Variants in SNX19 observed in about 807,000 individuals in gnomAD.
The protein encoded by SNX19 is sorting nexin 19, also known as sorting nexin-19.
In SNX19, 60 loss-of-function variants were observed where a neutral mutation model predicts 85.2. The ratio of observed to expected loss-of-function variants is 0.70; its 90% CI spans 0.57 to 0.87. SNX19 has a LOEUF of 0.87. SNX19 is among the 40% of genes least tolerant of loss of function. The pLI, the probability that SNX19 is intolerant of heterozygous loss-of-function variation, is 0.00. For synonymous variants in SNX19, 520 were observed against 470.0 expected (o/e 1.11, Z -1.38); for missense variants, 1,201 against 1,217.8 (o/e 0.99, Z 0.21).
At chr11:130,909,723 C>T (rs978760136) in intron 4 of SNX19, among the ~76,000 whole-genome samples, 2 of 152,208 alleles carry the variant, frequency 1.3e-5, no homozygotes, top group Non-Finnish European at 2.9e-5. Flanking sequence ...ACAGATCAAT[C>T]TTCACATGCC....
At chr11:130,889,034 T>A (rs541564565) in intron 8 of SNX19, among the ~76,000 whole-genome samples, 181 of 152,290 alleles carry the variant, frequency 1.2e-3, no homozygotes, top group African/African-American at 4.1e-3. Context: ...CAGTTGATAC[T>A]ACAGCATCTG....
chr11:130,905,646 A>G (rs1945606869), intron 7 of SNX19: 2 of 1,472,854 alleles, frequency 1.4e-6, no homozygotes, highest in Non-Finnish European at 1.8e-6. Context: ...AAGAAATGCA[A>G]GAGTCTGATA....
In SNX19 at chr11:130,876,144, C is replaced by CA. The variant is rs757323943; in HGVS notation, c.*2277dup. 9 of 152,122 alleles carry CA rather than the reference C, an allele frequency of 5.9e-5. No homozygotes were observed. The highest frequency in any genetic ancestry group is 1.3e-4 in the Admixed American group (2 of 15,270). 9.4% of individuals were successfully genotyped at this position (152,122 alleles called of 1,614,324 possible). On this transcript the variant is annotated 3_prime_UTR_variant, in exon 11 of 11. Coordinates refer to ENST00000265909, the MANE Select transcript of SNX19 (RefSeq NM_014758.3). The stretch of plus-strand genomic sequence containing the variant: ...AATAAAATTTAGTCACGAGTAAATA[C>CA]AAAAAACAAGCAAACAATAAAACCT...
rs1943111259 is a variant in SNX19, at chr11:130,873,658, C to T, written c.*4764G>A. ...AAACTCCAATTACTTTTGCACCAAC[C>T]CACTACATCAGAACCTACCTTTAAG... On this transcript the variant is annotated 3_prime_UTR_variant, in exon 11 of 11. Coordinates refer to ENST00000265909, the MANE Select transcript of SNX19 (RefSeq NM_014758.3). Among the ~76,000 whole-genome samples, 1 of 152,034 alleles carries T rather than the reference C, an allele frequency of 6.6e-6. No homozygotes were observed. The highest frequency in any genetic ancestry group is 2.4e-5 in the African/African-American group (1 of 41,402).
chr11:130,896,282 T>C (rs1199753641), intron 8 of SNX19, among the ~76,000 whole-genome samples: 2 of 152,224 alleles, frequency 1.3e-5, no homozygotes, highest in Non-Finnish European at 2.9e-5. Flanking sequence ...CTGTAATCTA[T>C]GCTTCCTGAG....
Position 130,906,792 on chromosome 11 carries a change from G to A in SNX19, c.2166-71C>T, listed in dbSNP as rs577306902. On this transcript the variant is annotated intron_variant, in intron 5 of 10. Coordinates refer to ENST00000265909, the MANE Select transcript of SNX19 (RefSeq NM_014758.3). ...TGAGCCTCACACTAAGGGCTGGCAA[G>A]TACTGATAATAAAACACAACAAGAA... The A allele has an allele frequency of 1.6e-5, 17 of 1,090,750 alleles. No homozygotes were observed. The African/African-American group carries it at 2.3e-4, about 15-fold the overall frequency. The allele number at this position is 1,090,750 out of a possible 1,614,324, so 67.6% of individuals were successfully genotyped here. A position where few individuals can be genotyped will look rare whatever the true frequency, so the allele number is the denominator to read the frequency against.
chr11:130,906,290 G>A (rs369715917), intron 6 of SNX19, among the ~76,000 whole-genome samples, 157 bp from the exon 7 acceptor site: 1 of 152,076 alleles, frequency 6.6e-6, no homozygotes, highest in Admixed American at 6.5e-5. Context: ...ATTTTTTACC[G>A]AAGTTGCAAG....
rs1161240476 is a variant in SNX19, at chr11:130,870,420, C to A, written c.*8002G>T. ...GGGTGCACACCTGAACAGGGGGTAG[C>A]CTCTGATGAAACATTTGAGTAATGG... On this transcript the variant is annotated 3_prime_UTR_variant, in exon 11 of 11. Transcript: ENST00000265909. Among the ~76,000 whole-genome samples the A allele has an allele frequency of 6.6e-6, 1 of 152,230 alleles. No individual in the cohort carries two copies. Among genetic ancestry groups the A allele is most frequent in the Non-Finnish European group, 1.5e-5 (1 of 68,046 alleles).
chr11:130,910,689 T>C (rs1218691641), intron 2 of SNX19, among the ~76,000 whole-genome samples: 1 of 152,168 alleles, frequency 6.6e-6, no homozygotes, highest in Non-Finnish European at 1.5e-5. Flanking sequence ...GGCACCTATC[T>C]CACAGGCTGA....
At position 130,910,354 on chromosome 11, in the gene SNX19, T is replaced by C. The variant is rs149459173; in HGVS notation, c.1830A>G (p.Lys610=). The change falls in exon 3 of 11, where the codon AAA becomes AAG. Residue 610 remains lysine, a synonymous_variant. Coordinates refer to ENST00000265909, the MANE Select transcript of SNX19 (RefSeq NM_014758.3). ...RKFIKNVKGP[K]KLFPDLPLGN... ...CCAATGGAAGATCTGGAAAGAGCTT[T>C]TTAGGACCCTTCACATCTTCCAAAA... 4.0e-5 allele frequency: 65 copies of C among 1,605,624 alleles called. No homozygotes were observed. Among genetic ancestry groups the C allele is most frequent in the Middle Eastern group, 2.1e-4 (1 of 4,816 alleles).
In SNX19 at chr11:130,903,252, T is replaced by A; in HGVS notation, c.2573+3A>T. Reference sequence around the variant, plus strand: ...GATGTGAGGGAGAATTCAGCAGTCTTACCTTTGAACTAGGGTCCCAAAGAT... The same window carrying A: ...GATGTGAGGGAGAATTCAGCAGTCTAACCTTTGAACTAGGGTCCCAAAGAT... On this transcript the variant is annotated splice_donor_region_variant and intron_variant, in intron 8 of 10. Coordinates refer to ENST00000265909, the MANE Select transcript of SNX19 (RefSeq NM_014758.3). 1 of 1,613,646 alleles carries A rather than the reference T, an allele frequency of 6.2e-7. No individual in the cohort carries two copies.
rs570298039 is a variant in SNX19 at position 130,870,828 on chromosome 11, G to C, written c.*7594C>G. Among the ~76,000 whole-genome samples the C allele has an allele frequency of 8.2e-4, 122 of 149,194 alleles. No individual in the cohort carries two copies. Among genetic ancestry groups the C allele is most frequent in the Non-Finnish European group, 1.4e-3 (98 of 67,868 alleles). On this transcript the variant is annotated 3_prime_UTR_variant, in exon 11 of 11. Coordinates refer to ENST00000265909, the MANE Select transcript of SNX19 (RefSeq NM_014758.3). ...GCACTAGGTATATACATATAGTTGG[G>C]GGGGGGGCATAAGGACATAATAGGA...
At chr11:130,911,812 T>TAGAAGGCATAA (rs774356473) in intron 1 of SNX19, 41 bp from the exon 2 acceptor site, 23 of 1,600,186 alleles carry the variant, frequency 1.4e-5, no homozygotes, top group Non-Finnish European at 1.2e-5. Flanking sequence ...CAGCCGGGTT[T>TAGAAGGCATAA]CAGCAATCTT....
rs1224544716 is a variant in SNX19 at position 130,870,218 on chromosome 11, C to T, written c.*8204G>A. ...GAGCTTGCTTGTGTTTCAATACAAG[C>T]TCTTGCCTCAGTCCTCTCCAGATTG... On this transcript the variant is annotated 3_prime_UTR_variant, in exon 11 of 11. Transcript: ENST00000265909. 1 of 152,208 alleles carries T rather than the reference C, an allele frequency of 6.6e-6. No individual in the cohort carries two copies. Among genetic ancestry groups the T allele is most frequent in the Non-Finnish European group, 1.5e-5 (1 of 68,044 alleles). 9.4% of individuals were successfully genotyped at this position (152,208 alleles called of 1,614,324 possible).
chr11:130,891,438 A>AGGCTCTCCT (rs1944487120), intron 8 of SNX19, among the ~76,000 whole-genome samples: 1 of 152,186 alleles, frequency 6.6e-6, no homozygotes, highest in Non-Finnish European at 1.5e-5. Flanking sequence ...TAAATCCTGG[A>AGGCTCTCCT]GGAGAGAGAC....
intron 8 of SNX19, among the ~76,000 whole-genome samples, chr11:130,887,502 A>C (rs73581739): frequency 0.065 from 9,847 of 152,282 alleles, 1,081 homozygotes; most frequent in African/African-American, 0.22. Context: ...GTGAATCCAG[A>C]AACTTGGGCT....
In SNX19 at chr11:130,886,684, A is replaced by T. The variant is rs1944101874; in HGVS notation, c.2574-5878T>A. 2.6e-5 allele frequency among the ~76,000 whole-genome samples: 4 copies of T among 151,188 alleles called. No individual in the cohort carries two copies. In the East Asian group the frequency reaches 7.8e-4, roughly 30 times the overall value. Reference sequence around the variant, plus strand: ...TTGGAGGTGATGGTGTAGATTCAGGACATTATCCATTAAACAAAATGTTTT... The same window carrying T: ...TTGGAGGTGATGGTGTAGATTCAGGTCATTATCCATTAAACAAAATGTTTT... On this transcript the variant is annotated intron_variant, in intron 8 of 10. Coordinates refer to ENST00000265909, the MANE Select transcript of SNX19 (RefSeq NM_014758.3).
intron 8 of SNX19, among the ~76,000 whole-genome samples, chr11:130,895,990 A>T (rs1420500546): frequency 6.6e-6 from 1 of 152,242 alleles, no homozygotes; most frequent in Non-Finnish European, 1.5e-5. Context: ...GAGGCCTGGG[A>T]CAAGCAGTAC....
At chr11:130,889,486 T>G (rs1944343311) in intron 8 of SNX19, among the ~76,000 whole-genome samples, 1 of 151,372 alleles carries the variant, frequency 6.6e-6, no homozygotes, top group African/African-American at 2.4e-5. Context: ...CATTCACAAA[T>G]AAACAATCAA....
Sources: gnomAD v4.1 joint callset for allele counts (sites outside exome capture counted in the v4.1 genomes callset) on GRCh38, gnomAD v4.1.1 for gene constraint, MANE v1.5 for transcripts, NCBI Gene and HGNC (gene_info 2026-07-23, HGNC 2026-07-21) for gene names.